Variants in ACO1 observed in about 807,000 individuals in gnomAD.
ACO1 encodes cytoplasmic aconitate hydratase.
Under a neutral mutation model 105.1 loss-of-function variants are expected in ACO1, and 78 were observed. The observed-to-expected ratio is 0.74, with a 90% CI of 0.62 to 0.90. The LOEUF (loss-of-function observed/expected upper bound fraction) is 0.90. ACO1 is among the 40% of genes least tolerant of loss of function. ACO1 has a pLI of 0.00. For synonymous variants in ACO1, 364 were observed against 397.4 expected, an observed-to-expected ratio of 0.92 and a Z score of 1.00; for missense variants, 965 against 1,111.1, an observed-to-expected ratio of 0.87 and a Z score of 1.87.
Position 32,405,357 on chromosome 9 carries a change from G to A in ACO1, c.-22-128G>A, listed in dbSNP as rs1483638235. 6 of 613,000 alleles carry A rather than the reference G, an allele frequency of 9.8e-6. No homozygotes were observed. In the East Asian group the frequency reaches 1.7e-4, roughly 17 times the overall value. 38.0% of individuals were successfully genotyped at this position (613,000 alleles called of 1,614,324 possible). A position where few individuals can be genotyped will look rare whatever the true frequency, so the allele number is the denominator to read the frequency against. On this transcript the variant is annotated intron_variant, in intron 1 of 20. Transcript: ENST00000309951. Reference sequence around the variant, plus strand: ...TTAACTATTTTTTTTAAAGTTCAGTGTGTACATAGTTAAAAATGCAAACAA... The same window carrying A: ...TTAACTATTTTTTTTAAAGTTCAGTATGTACATAGTTAAAAATGCAAACAA...
intron 4 of ACO1, among the ~76,000 whole-genome samples, chr9:32,413,674 G>A (rs551776304): frequency 6.6e-6 from 1 of 152,242 alleles, no homozygotes; most frequent in Admixed American, 6.5e-5. Flanking sequence ...GGAAATGAGT[G>A]AGAAAAACTG....
intron 1 of ACO1, among the ~76,000 whole-genome samples, chr9:32,390,390 G>A (rs1311794244): frequency 1.3e-5 from 2 of 152,150 alleles, no homozygotes; most frequent in Non-Finnish European, 2.9e-5. Context: ...TCTCTGTAAA[G>A]CCTTTCTTGA....
At chr9:32,404,264 A>G (rs1326816355) in intron 1 of ACO1, among the ~76,000 whole-genome samples, 1 of 152,012 alleles carries the variant, frequency 6.6e-6, no homozygotes, top group Non-Finnish European at 1.5e-5. Flanking sequence ...TCTTCTCCCC[A>G]TAGATTTCCC....
At chr9:32,402,122 A>C (rs1047462967) in intron 1 of ACO1, among the ~76,000 whole-genome samples, 1 of 152,178 alleles carries the variant, frequency 6.6e-6, no homozygotes, top group African/African-American at 2.4e-5. Flanking sequence ...AGCGTCCCGG[A>C]GGGACAAGTT....
chr9:32,428,754 G>GA (rs1822158069), intron 12 of ACO1, among the ~76,000 whole-genome samples: 1 of 152,112 alleles, frequency 6.6e-6, no homozygotes, highest in Admixed American at 6.5e-5. Context: ...TGAGGCAGGA[G>GA]AATGGCATGA....
At chr9:32,424,708 T>C (rs889604794) in intron 10 of ACO1, 43 bp downstream of exon 10, 8 of 1,337,466 alleles carry the variant, frequency 6.0e-6, no homozygotes, top group Non-Finnish European at 8.5e-6. Context: ...CAACTCTACC[T>C]CTTGCCTGGT....
chr9:32,420,543 G>A (rs1292858999), intron 7 of ACO1, among the ~76,000 whole-genome samples: 1 of 152,150 alleles, frequency 6.6e-6, no homozygotes, highest in African/African-American at 2.4e-5. Context: ...TTCCCATAAT[G>A]TTAACATCTT....
intron 1 of ACO1, among the ~76,000 whole-genome samples, chr9:32,403,738 A>C (rs1279497898): frequency 6.6e-6 from 1 of 152,178 alleles, no homozygotes; most frequent in Non-Finnish European, 1.5e-5. Context: ...TCAGACACTT[A>C]AGGCCATTGA....
chr9:32,439,220 T>A lies in ACO1; in HGVS notation c.2248-1245T>A, dbSNP rs185721835. Among the ~76,000 whole-genome samples, 9 of 152,354 alleles carry A rather than the reference T, an allele frequency of 5.9e-5. No individual in the cohort carries two copies. Among genetic ancestry groups the A allele is most frequent in the Non-Finnish European group, 1.2e-4 (8 of 68,028 alleles). On this transcript the variant is annotated intron_variant, in intron 18 of 20. Coordinates refer to ENST00000309951, the MANE Select transcript of ACO1 (RefSeq NM_002197.3). The surrounding 1 kb of genome is among the most constrained non-coding windows in gnomAD (Gnocchi z 4.0). The stretch of plus-strand genomic sequence containing the variant: ...CCCAAAGCTACAGTCTCTGAAAATA[T>A]CAGATAAGTTGTTTCTTTCTGGTCT...
intron 1 of ACO1, among the ~76,000 whole-genome samples, chr9:32,402,254 A>G (rs994169469): frequency 2.0e-5 from 3 of 151,388 alleles, no homozygotes; most frequent in Admixed American, 6.6e-5. Context: ...ATCTCATTCT[A>G]TAGAACAAAG....
chr9:32,449,762 C>T (rs1822714579), intron 20 of ACO1, among the ~76,000 whole-genome samples: 1 of 152,186 alleles, frequency 6.6e-6, no homozygotes, highest in East Asian at 1.9e-4. Flanking sequence ...CCATCATTTA[C>T]AGTCTGCAGT....
intron 18 of ACO1, 85 bp downstream of exon 18, chr9:32,436,482 G>A: frequency 5.8e-6 from 9 of 1,541,374 alleles, no homozygotes; most frequent in Non-Finnish European, 8.0e-6. Flanking sequence ...TCGCCTTTTG[G>A]TTTTAGTTTT....
At chr9:32,404,914 C>T (rs921632723) in intron 1 of ACO1, among the ~76,000 whole-genome samples, 8 of 152,130 alleles carry the variant, frequency 5.3e-5, no homozygotes, top group Admixed American at 6.6e-5. Context: ...AAGAAAGAAC[C>T]CTGGATAATT....
At chr9:32,418,076 C>T (rs1821889227) in intron 4 of ACO1, 52 bp from the exon 5 acceptor site, 1 of 1,526,738 alleles carries the variant, frequency 6.5e-7, no homozygotes, top group East Asian at 2.3e-5. Context: ...TAAATTTGAC[C>T]ACTAATATGT....
rs367701217 is a variant in ACO1 at position 32,423,428 on chromosome 9, G to A, written c.1071+9G>A. 890 of 1,561,524 alleles carry A rather than the reference G, an allele frequency of 5.7e-4. 1 individual carries two copies. The highest frequency in any genetic ancestry group is 7.3e-4 in the Non-Finnish European group (837 of 1,141,510). ...ACCCAGACTTCACCCAGGTATGAGAGTGCCTTCCACTGTGCATGTATTTCC... is the reference window on the plus strand; with the variant it reads ...ACCCAGACTTCACCCAGGTATGAGAATGCCTTCCACTGTGCATGTATTTCC... On this transcript the variant is annotated intron_variant, in intron 9 of 20. Coordinates refer to ENST00000309951, the MANE Select transcript of ACO1 (RefSeq NM_002197.3).
At chr9:32,448,855 A>AAGAT in intron 19 of ACO1, 41 bp from the exon 20 acceptor site, 1 of 1,610,962 alleles carries the variant, frequency 6.2e-7, no homozygotes. Context: ...ATCCAAAGAA[A>AAGAT]AGATTGGAAG....
chr9:32,447,978 A>G (rs1317087591), intron 19 of ACO1, among the ~76,000 whole-genome samples: 1 of 152,118 alleles, frequency 6.6e-6, no homozygotes, highest in Non-Finnish European at 1.5e-5. Context: ...TGCCAGCCAG[A>G]GCTCTCCTGT....
intron 4 of ACO1, among the ~76,000 whole-genome samples, chr9:32,414,625 A>G (rs1285861913): frequency 6.6e-6 from 1 of 152,206 alleles, no homozygotes; most frequent in Non-Finnish European, 1.5e-5. Context: ...TCCGTCAATC[A>G]TCAGTCATGC....
At chr9:32,398,394 T>G (rs1010314813) in intron 1 of ACO1, among the ~76,000 whole-genome samples, 1 of 152,294 alleles carries the variant, frequency 6.6e-6, no homozygotes, top group Middle Eastern at 3.4e-3. Context: ...TGAATGCTAC[T>G]GTTGAATCAC....
Sources: gnomAD v4.1 joint callset for allele counts (sites outside exome capture counted in the v4.1 genomes callset) on GRCh38, gnomAD v4.1.1 for gene constraint, Gnocchi (gnomAD v3.1) non-coding constraint, MANE v1.5 for transcripts, NCBI Gene and HGNC (gene_info 2026-07-23, HGNC 2026-07-21) for gene names.